UBE2U: variants seen among roughly 807,000 people sequenced by gnomAD.
UBE2U encodes the protein ubiquitin-conjugating enzyme E2 U.
UBE2U carries 39 observed loss-of-function variants against 41.2 expected under a neutral mutation model. The observed-to-expected ratio is 0.95, with a 90% confidence interval of 0.73 to 1.24. The LOEUF is 1.24. UBE2U is among the 50% of genes most tolerant of loss of function. The pLI is 0.00. For synonymous variants in UBE2U, 107 were observed against 117.8 expected, an observed-to-expected ratio of 0.91 and a Z score of 0.60; for missense variants, 336 against 363.1, an observed-to-expected ratio of 0.93 and a Z score of 0.61.
chr1:64,213,040 A>G (rs1651756143), intron 4 of UBE2U, among the ~76,000 whole-genome samples: 1 of 152,188 alleles, frequency 6.6e-6, no homozygotes, highest in Non-Finnish European at 1.5e-5. Flanking sequence ...AAAACCCTTA[A>G]CTTTACTGTT....
At chr1:64,223,637 G>A (rs1461135307) in intron 6 of UBE2U, among the ~76,000 whole-genome samples, 1 of 152,112 alleles carries the variant, frequency 6.6e-6, no homozygotes, top group Non-Finnish European at 1.5e-5. Context: ...GTTTATTGTT[G>A]TAGTACATAA....
chr1:64,208,745 G>T (rs2132417), intron 3 of UBE2U, among the ~76,000 whole-genome samples: 1 of 151,172 alleles, frequency 6.6e-6, no homozygotes, highest in Non-Finnish European at 1.5e-5. Flanking sequence ...CTACAGTTAC[G>T]TGTATTGCTT....
At chr1:64,239,237 A>T (rs1354805414) in intron 7 of UBE2U, among the ~76,000 whole-genome samples, 1 of 152,004 alleles carries the variant, frequency 6.6e-6, no homozygotes, top group East Asian at 1.9e-4. Context: ...CTAGCTGGTT[A>T]AATAGTTCGA....
At chr1:64,217,487 T>C (rs1652108381) in intron 5 of UBE2U, among the ~76,000 whole-genome samples, 1 of 152,224 alleles carries the variant, frequency 6.6e-6, no homozygotes, top group Non-Finnish European at 1.5e-5. Context: ...CAGTTCATCC[T>C]TGTGAATGTT....
chr1:64,232,784 T>C, intron 7 of UBE2U, 135 bp downstream of exon 7: 1 of 501,222 alleles, frequency 2.0e-6, no homozygotes. Context: ...CTATATACTA[T>C]TCATTCAACA....
chr1:64,250,321 T>C (rs1644985927), intron 8 of UBE2U, among the ~76,000 whole-genome samples: 1 of 152,146 alleles, frequency 6.6e-6, no homozygotes, highest in African/African-American at 2.4e-5. Context: ...CTGTATCTAA[T>C]AAAGGAATTT....
chr1:64,258,554 G>C (rs983955094), intron 8 of UBE2U, among the ~76,000 whole-genome samples: 1 of 147,828 alleles, frequency 6.8e-6, no homozygotes, highest in Non-Finnish European at 1.5e-5. Context: ...TCCCAGCTAT[G>C]AGTGAGAACA....
intron 6 of UBE2U, among the ~76,000 whole-genome samples, chr1:64,221,691 T>C (rs186573280): frequency 6.6e-6 from 1 of 152,344 alleles, no homozygotes; most frequent in Admixed American, 6.5e-5. Context: ...TTTATCTTGA[T>C]AGTCAATCAG....
chr1:64,232,237 C>T lies in UBE2U; in HGVS notation c.507-324C>T, dbSNP rs911221393. Among the ~76,000 whole-genome samples, 7 of 152,246 alleles carry T rather than the reference C, an allele frequency of 4.6e-5. No individual in the cohort carries two copies. In the South Asian group the frequency reaches 8.3e-4, roughly 18 times the overall value. ...TAGAATGAGAAATTGACAGGTATAA[C>T]GCTTTGCTTAGAGTTCTTTTTTAAT... On this transcript the variant is annotated intron_variant, in intron 6 of 9. Coordinates refer to ENST00000371077, the MANE Select transcript of UBE2U (RefSeq NM_001366232.2).
chr1:64,208,224 C>T (rs1651424999), intron 3 of UBE2U, among the ~76,000 whole-genome samples: 1 of 152,090 alleles, frequency 6.6e-6, no homozygotes, highest in African/African-American at 2.4e-5. Flanking sequence ...GTATAAAATG[C>T]ATATATCCCT....
intron 8 of UBE2U, among the ~76,000 whole-genome samples, chr1:64,249,803 A>G (rs1025698201): frequency 1.3e-5 from 2 of 152,096 alleles, no homozygotes; most frequent in African/African-American, 4.8e-5. Flanking sequence ...GGTAGAAGAT[A>G]CATATAAATG....
intron 8 of UBE2U, among the ~76,000 whole-genome samples, chr1:64,257,347 A>T (rs182689819): frequency 1.3e-5 from 2 of 152,342 alleles, no homozygotes; most frequent in East Asian, 3.9e-4. Flanking sequence ...AAGAGCAAAG[A>T]CATGGAATCA....
chr1:64,243,797 G>A (rs549429323), intron 8 of UBE2U, among the ~76,000 whole-genome samples: 1 of 152,238 alleles, frequency 6.6e-6, no homozygotes, highest in East Asian at 1.9e-4. Flanking sequence ...GGTCTTTGCT[G>A]CTGGTGTAGA....
intron 7 of UBE2U, among the ~76,000 whole-genome samples, chr1:64,239,105 G>GA (rs1425212685): frequency 2.3e-4 from 3 of 12,944 alleles, no homozygotes; most frequent in African/African-American, 6.7e-4. Flanking sequence ...AGAAGAAGAA[G>GA]AAGAAGAAGA....
At chr1:64,233,170 G>A (rs927136098) in intron 7 of UBE2U, among the ~76,000 whole-genome samples, 4 of 151,932 alleles carry the variant, frequency 2.6e-5, no homozygotes, top group African/African-American at 7.3e-5. Flanking sequence ...ACCACGCCCA[G>A]CTAATTTTTT....
intron 9 of UBE2U, among the ~76,000 whole-genome samples, chr1:64,261,731 C>G (rs1267823135): frequency 6.6e-6 from 1 of 152,142 alleles, no homozygotes; most frequent in Non-Finnish European, 1.5e-5. Flanking sequence ...TTTGCTTTCT[C>G]CATGATTTCC....
At chr1:64,243,842 A>C (rs1232864876) in intron 8 of UBE2U, among the ~76,000 whole-genome samples, 1 of 152,026 alleles carries the variant, frequency 6.6e-6, no homozygotes, top group East Asian at 1.9e-4. Context: ...TGGAATGTGG[A>C]GCTCTTAAGC....
chr1:64,222,789 T>G (rs893362096), intron 6 of UBE2U, among the ~76,000 whole-genome samples: 1 of 152,254 alleles, frequency 6.6e-6, no homozygotes, highest in African/African-American at 2.4e-5. Flanking sequence ...TAGTGCCATA[T>G]GCTTAGAACT....
chr1:64,256,871 G>C (rs1166620332), intron 8 of UBE2U, among the ~76,000 whole-genome samples: 3 of 149,562 alleles, frequency 2.0e-5, no homozygotes, highest in Non-Finnish European at 4.5e-5. Context: ...TCCATCTGAT[G>C]TCTATCCAGC....
Sources: gnomAD v4.1 joint callset for allele counts (sites outside exome capture counted in the v4.1 genomes callset) on GRCh38, gnomAD v4.1.1 for gene constraint, MANE v1.5 for transcripts, NCBI Gene and HGNC (gene_info 2026-07-23, HGNC 2026-07-21) for gene names.